SLF2: variants seen among roughly 807,000 people sequenced by gnomAD.
The protein encoded by SLF2 is SMC5-SMC6 complex localization factor protein 2.
A neutral mutation model predicts 124.3 loss-of-function variants in SLF2; 68 were observed. The observed-to-expected ratio is 0.55, with a 90% CI of 0.45 to 0.67. The LOEUF (loss-of-function observed/expected upper bound fraction) is 0.67, where lower values mean the gene tolerates loss of function less well. SLF2 is among the 30% of genes least tolerant of loss of function. The pLI, the probability that SLF2 is intolerant of heterozygous loss-of-function variation, is 0.00. For missense variants in SLF2, 1,246 were observed against 1,373.7 expected (o/e 0.91, Z 1.47); for synonymous variants, 480 against 478.8 (o/e 1.00, Z -0.03).
intron 12 of SLF2, 102 bp from the exon 13 acceptor site, chr10:100,945,228 A>T: frequency 1.1e-6 from 1 of 928,098 alleles, no homozygotes; most frequent in Non-Finnish European, 1.6e-6. Context: ...TTTTCTTTAT[A>T]GTTCTTTTTT....
At chr10:100,959,540 C>T in intron 19 of SLF2, 44 bp downstream of exon 19, 1 of 1,609,160 alleles carries the variant, frequency 6.2e-7, no homozygotes, top group Non-Finnish European at 8.5e-7. Flanking sequence ...AATAGTTTTG[C>T]TGAATGGCAC....
chr10:100,946,409 C>T (rs1850104349), intron 13 of SLF2, among the ~76,000 whole-genome samples: 2 of 151,446 alleles, frequency 1.3e-5, no homozygotes, highest in African/African-American at 4.9e-5. Context: ...TCAGTGCAGC[C>T]TCTGCCTTCC....
rs1459143588 is a variant in SLF2 at position 100,962,703 on chromosome 10, A to G, written c.*791A>G. On this transcript the variant is annotated 3_prime_UTR_variant, in exon 20 of 20. Transcript: ENST00000238961. ...CTTAGAATCTTGGCTATATCTTAGA[A>G]TTCTGGCTCTTGGTAACCATATTAC... 1.3e-5 allele frequency: 2 copies of G among 152,624 alleles called. No homozygotes were observed. Among genetic ancestry groups the G allele is most frequent in the Non-Finnish European group, 2.9e-5 (2 of 68,036 alleles). The allele number at this position is 152,624 out of a possible 1,614,324, so 9.5% of individuals were successfully genotyped here. A position where few individuals can be genotyped will look rare whatever the true frequency, so the allele number is the denominator to read the frequency against.
At chr10:100,913,668 G>A (rs937934076) in intron 1 of SLF2, 1 of 1,015,620 alleles carries the variant, frequency 9.8e-7, no homozygotes, top group Non-Finnish European at 1.2e-6. Context: ...CCTGTGATGA[G>A]GGAATCCCTT....
intron 6 of SLF2, 193 bp downstream of exon 6, chr10:100,926,212 C>T (rs920254532): frequency 7.8e-6 from 12 of 1,545,066 alleles, no homozygotes; most frequent in Non-Finnish European, 1.0e-5. Context: ...TTTGGGAGAC[C>T]CAGGCAAGAT....
At position 100,964,969 on chromosome 10, in the gene SLF2, T is replaced by C. The variant is rs1850483832; in HGVS notation, c.*3057T>C. ...CACCTCATTATCTGTGCATTTGTTT[T>C]TCCTGGGCAGTCCTGTCAGCCAGTT... On this transcript the variant is annotated 3_prime_UTR_variant, in exon 20 of 20. Coordinates refer to ENST00000238961, the MANE Select transcript of SLF2 (RefSeq NM_018121.4). 1.3e-5 allele frequency: 2 copies of C among 152,572 alleles called. No homozygotes were observed. Among genetic ancestry groups the C allele is most frequent in the Non-Finnish European group, 1.5e-5 (1 of 68,026 alleles). The allele number at this position is 152,572 out of a possible 1,614,324, so 9.5% of individuals were successfully genotyped here. A position where few individuals can be genotyped will look rare whatever the true frequency, so the allele number is the denominator to read the frequency against.
chr10:100,946,928 C>G (rs1205273048), intron 13 of SLF2, 111 bp from the exon 14 acceptor site: 1 of 793,616 alleles, frequency 1.3e-6, no homozygotes, highest in Non-Finnish European at 2.1e-6. Context: ...AAAATGTGCT[C>G]TGTTTTGTAC....
intron 19 of SLF2, 108 bp from the exon 20 acceptor site, chr10:100,961,769 A>T: frequency 1.1e-6 from 1 of 878,990 alleles, no homozygotes; most frequent in Non-Finnish European, 1.7e-6. Context: ...AGATTTTATT[A>T]CTTGTCTTAT....
intron 9 of SLF2, among the ~76,000 whole-genome samples, chr10:100,933,972 C>T (rs888802879): frequency 2.0e-5 from 3 of 152,208 alleles, no homozygotes; most frequent in East Asian, 1.9e-4. Context: ...AGCCACTGCA[C>T]CCAGCCTAAA....
chr10:100,919,581 A>G (rs572262958), intron 4 of SLF2, among the ~76,000 whole-genome samples: 87 of 152,342 alleles, frequency 5.7e-4, no homozygotes, highest in African/African-American at 2.1e-3. Context: ...AGAAAATAGA[A>G]GATTAAAAAG....
At chr10:100,938,526 A>C in intron 10 of SLF2, 69 bp from the exon 11 acceptor site, 1 of 1,455,444 alleles carries the variant, frequency 6.9e-7, no homozygotes, top group Middle Eastern at 1.8e-4. Context: ...TCACCTGCAG[A>C]CTGTCACCTT....
chr10:100,954,431 G>A (rs1345728778), intron 17 of SLF2, among the ~76,000 whole-genome samples: 1 of 152,250 alleles, frequency 6.6e-6, no homozygotes, highest in Admixed American at 6.5e-5. Flanking sequence ...TAAATTCCTA[G>A]AAGTAGAATT....
At position 100,913,058 on chromosome 10, in the gene SLF2, C is replaced by G. The variant is rs1164298222; in HGVS notation, c.-53C>G. On this transcript the variant is annotated 5_prime_UTR_variant, in exon 1 of 20. Coordinates refer to ENST00000238961, the MANE Select transcript of SLF2 (RefSeq NM_018121.4). ...AGTCCCAGCAGCAAGACGGCAACCA[C>G]GCACCCAACTTCTCCAGCCACGGCT... is the stretch of plus-strand genomic sequence containing the variant. The G allele has an allele frequency of 2.5e-6, 4 of 1,590,762 alleles. No individual in the cohort carries two copies. Among genetic ancestry groups the G allele is most frequent in the Non-Finnish European group, 3.4e-6 (4 of 1,168,164 alleles).
chr10:100,943,804 A>G (rs1401718712), intron 11 of SLF2: 3 of 405,376 alleles, frequency 7.4e-6, no homozygotes, highest in African/African-American at 2.1e-5. Flanking sequence ...TGGATTTGGC[A>G]TAAAGAGACT....
chr10:100,960,063 T>C (rs903706749), intron 19 of SLF2, among the ~76,000 whole-genome samples: 5 of 152,236 alleles, frequency 3.3e-5, no homozygotes, highest in African/African-American at 9.6e-5. Context: ...TCTTTTGTAA[T>C]TGGCTGTTTT....
At position 100,916,148 on chromosome 10, in the gene SLF2, CA is replaced by C. The variant is rs1216241868; in HGVS notation, c.184+110del. On this transcript the variant is annotated intron_variant, in intron 2 of 19. Coordinates refer to ENST00000238961, the MANE Select transcript of SLF2 (RefSeq NM_018121.4). ...AAACTGTTTTAGTAAACGTAGTGTT[CA>C]AAATTGAAAATAAAATGAAGATGCA... is the stretch of plus-strand genomic sequence containing the variant. 2.8e-5 allele frequency: 22 copies of C among 786,808 alleles called. No individual in the cohort carries two copies. The African/African-American group carries it at 3.9e-4, about 14-fold the overall frequency. The allele number at this position is 786,808 out of a possible 1,614,324, so 48.7% of individuals were successfully genotyped here.
At chr10:100,920,872 C>T (rs1166821991) in intron 4 of SLF2, among the ~76,000 whole-genome samples, 3 of 152,192 alleles carry the variant, frequency 2.0e-5, no homozygotes, top group African/African-American at 7.2e-5. Context: ...TTGCTTGAAC[C>T]TGGAAGGTGG....
intron 9 of SLF2, 89 bp downstream of exon 9, chr10:100,931,167 G>A (rs990344843): frequency 1.6e-5 from 17 of 1,036,814 alleles, no homozygotes; most frequent in Non-Finnish European, 2.5e-5. Flanking sequence ...GCACATTACT[G>A]CAGAAAAAAT....
chr10:100,929,839 A>G lies in SLF2; in HGVS notation c.2175A>G (p.Leu725=). 1 of 1,576,326 alleles carries G rather than the reference A, an allele frequency of 6.3e-7. No individual in the cohort carries two copies. The highest frequency in any genetic ancestry group is 8.6e-7 in the Non-Finnish European group (1 of 1,165,870). Residue 725 remains leucine, a synonymous_variant, in exon 8 of 20, where the codon CTA becomes CTG. Transcript: ENST00000238961. ...DGLLEEHKEF[L]KKFSVTIDAI... ...TTTTTTTATGTTTCAGGGAATTTCT[A>G]AAGAAATTTTCAGTTACAATTGATG...
Sources: allele counts gnomAD v4.1 joint callset (sites outside exome capture counted in the v4.1 genomes callset), GRCh38; gene constraint gnomAD v4.1.1; transcripts MANE v1.5; gene names NCBI Gene and HGNC (gene_info 2026-07-23, HGNC 2026-07-21).